RBFOX1: variants seen among roughly 807,000 people sequenced by gnomAD.
The protein encoded by RBFOX1 is RNA binding protein fox-1 homolog 1.
In RBFOX1, 8 loss-of-function variants were observed where a neutral mutation model predicts 57.7. The ratio of observed to expected loss-of-function variants is 0.14; its 90% CI spans 0.08 to 0.25. The LOEUF is 0.25. Among genes scored for constraint, RBFOX1 ranks in the 10% least tolerant of loss-of-function variants. The pLI is 1.00. For synonymous variants in RBFOX1, 326 were observed against 222.4 expected, an observed-to-expected ratio of 1.47 and a Z score of -4.15; for missense variants, 611 against 548.5, an observed-to-expected ratio of 1.11 and a Z score of -1.14.
intron 4 of RBFOX1, among the ~76,000 whole-genome samples, chr16:7,114,003 A>T (rs1307937922): frequency 6.6e-6 from 1 of 152,192 alleles, no homozygotes; most frequent in Non-Finnish European, 1.5e-5. Flanking sequence ...TGAATTTATA[A>T]TTATTTGATC....
intron 2 of RBFOX1, among the ~76,000 whole-genome samples, chr16:6,353,363 G>C (rs2086725698): frequency 6.6e-6 from 1 of 151,528 alleles, no homozygotes; most frequent in South Asian, 2.1e-4. Flanking sequence ...TGTTTTTTGG[G>C]ATGGGTATTA....
chr16:6,697,953 C>T (rs184412043), intron 3 of RBFOX1, among the ~76,000 whole-genome samples: 184 of 152,220 alleles, frequency 1.2e-3, no homozygotes, highest in Non-Finnish European at 2.6e-4. Context: ...AAGGAACCAA[C>T]CAGAGAGTTG....
At chr16:6,780,269 A>ATT in intron 3 of RBFOX1, among the ~76,000 whole-genome samples, 1 of 70,312 alleles carries the variant, frequency 1.4e-5, no homozygotes, top group Non-Finnish European at 2.3e-5. Flanking sequence ...ATATATTTAT[A>ATT]CATATATATA....
chr16:6,185,988 A>T (rs546036656), intron 1 of RBFOX1, among the ~76,000 whole-genome samples: 10 of 152,182 alleles, frequency 6.6e-5, no homozygotes, highest in African/African-American at 2.4e-4. Context: ...CTTAAAGTCA[A>T]TCTTGTACTG....
rs1460969748 is a variant in RBFOX1 at position 6,564,954 on chromosome 16, A to T, written c.-63-89649A>T. On this transcript the variant is annotated intron_variant, in intron 2 of 15. Transcript: ENST00000550418. ...TCAGGAGTTGGAGATCAGCTTGGCC[A>T]ACATGGTGAAACCCCATTTGTACTA... 1.4e-4 allele frequency among the ~76,000 whole-genome samples: 22 copies of T among 152,068 alleles called. 1 individual carries two copies. The highest frequency in any genetic ancestry group is 1.3e-3 in the Admixed American group (20 of 15,270).
rs758115092 is a variant in RBFOX1 at position 7,200,963 on chromosome 16, C to G, written c.27+148865C>G. On this transcript the variant is annotated intron_variant, in intron 4 of 15. Transcript: ENST00000550418. ...TTAAGATGGAATATGTAGCCCTGAA[C>G]TTCTTGTATGGGAGAGAAAAATTAA... Among the ~76,000 whole-genome samples the G allele has an allele frequency of 5.9e-5, 9 of 152,200 alleles. No individual in the cohort carries two copies. The South Asian group carries it at 8.3e-4, about 14-fold the overall frequency.
intron 3 of RBFOX1, among the ~76,000 whole-genome samples, chr16:5,755,274 A>G (rs1187647933): frequency 1.3e-5 from 2 of 150,944 alleles, no homozygotes; most frequent in Non-Finnish European, 2.9e-5. Context: ...TTTTCTTAGT[A>G]CATAACAAAA....
intron 4 of RBFOX1, among the ~76,000 whole-genome samples, chr16:5,961,546 G>C (rs2059748803): frequency 6.6e-6 from 1 of 151,600 alleles, no homozygotes; most frequent in Non-Finnish European, 1.5e-5. Context: ...TTTGAGACAG[G>C]GTCTTCCTCT....
chr16:6,859,251 A>C (rs1241801996), intron 3 of RBFOX1, among the ~76,000 whole-genome samples: 1 of 146,284 alleles, frequency 6.8e-6, no homozygotes, highest in East Asian at 2.0e-4. Flanking sequence ...CATGATTCTG[A>C]CTCTTTATAA....
intron 3 of RBFOX1, among the ~76,000 whole-genome samples, chr16:6,770,654 C>T (rs1207337042): frequency 6.6e-6 from 1 of 152,020 alleles, no homozygotes; most frequent in African/African-American, 2.4e-5. Flanking sequence ...GCAGAGCCTT[C>T]CTGGGAGGAG....
At chr16:7,150,288 C>G (rs1261552267) in intron 4 of RBFOX1, among the ~76,000 whole-genome samples, 2 of 152,188 alleles carry the variant, frequency 1.3e-5, no homozygotes, top group African/African-American at 4.8e-5. Context: ...TTGGCTGTGT[C>G]TCTTAATTCT....
chr16:5,395,429 G>T (rs920005735), intron 1 of RBFOX1, among the ~76,000 whole-genome samples: 1 of 149,784 alleles, frequency 6.7e-6, no homozygotes, highest in Admixed American at 6.6e-5. Flanking sequence ...CGCAGTTGCG[G>T]GTGAGGTCAT....
intron 1 of RBFOX1, among the ~76,000 whole-genome samples, chr16:6,106,461 T>G: frequency 1.2e-5 from 1 of 84,712 alleles, no homozygotes; most frequent in African/African-American, 6.6e-5. Context: ...AGTGAGTATC[T>G]GTCTCAAAAA....
At chr16:6,617,314 AGCCTCAAAAACAGATAGGCAGTT>A (rs1163295440) in intron 2 of RBFOX1, among the ~76,000 whole-genome samples, 3 of 152,008 alleles carry the variant, frequency 2.0e-5, no homozygotes, top group Non-Finnish European at 4.4e-5. Context: ...AGGTCTACAA[AGCCTCAAAAACAGATAGGCAGTT>A]GCCCTTAACC....
At chr16:7,141,826 G>T (rs2073863071) in intron 4 of RBFOX1, among the ~76,000 whole-genome samples, 1 of 152,068 alleles carries the variant, frequency 6.6e-6, no homozygotes, top group Admixed American at 6.5e-5. Flanking sequence ...CCAGCCTTCT[G>T]ACTGGACACC....
At chr16:6,210,362 A>AAAAAAAAAAAAAAAAAAAAAAAC (rs2097287632) in intron 1 of RBFOX1, among the ~76,000 whole-genome samples, 2 of 25,088 alleles carry the variant, frequency 8.0e-5, no homozygotes, top group African/African-American at 5.0e-4. Flanking sequence ...AAAAAACACC[A>AAAAAAAAAAAAAAAAAAAAAAAC]AAAAAAAAAA....
intron 1 of RBFOX1, among the ~76,000 whole-genome samples, chr16:6,309,856 C>T (rs770574994): frequency 4.6e-5 from 7 of 152,018 alleles, no homozygotes; most frequent in East Asian, 3.9e-4. Context: ...ATGTGTAATG[C>T]GTTTGTTTCT....
At chr16:5,277,342 C>T (rs1394384972) in intron 1 of RBFOX1, among the ~76,000 whole-genome samples, 1 of 152,054 alleles carries the variant, frequency 6.6e-6, no homozygotes, top group Non-Finnish European at 1.5e-5. Flanking sequence ...AGACTATATA[C>T]ATTGGGTAAA....
chr16:7,004,583 A>G (rs1046357246), intron 3 of RBFOX1, among the ~76,000 whole-genome samples: 2 of 152,228 alleles, frequency 1.3e-5, no homozygotes, highest in East Asian at 1.9e-4. Flanking sequence ...TATTAGTACA[A>G]TGAATTTCTA....
Sources: gnomAD v4.1 joint callset for allele counts (sites outside exome capture counted in the v4.1 genomes callset) on GRCh38, gnomAD v4.1.1 for gene constraint, MANE v1.5 for transcripts, NCBI Gene and HGNC (gene_info 2026-07-23, HGNC 2026-07-21) for gene names.